Variants in ARMH3 observed in about 807,000 individuals in gnomAD.
The protein encoded by ARMH3 is armadillo-like helical domain-containing protein 3.
In ARMH3, 60 loss-of-function variants were observed where a neutral mutation model predicts 99.1. The ratio of observed to expected loss-of-function variants is 0.61; its 90% confidence interval spans 0.49 to 0.75. The LOEUF is 0.75. Ranked by LOEUF, ARMH3 falls within the 30% of genes least tolerant of loss-of-function variation. ARMH3 has a pLI of 0.00. For synonymous variants in ARMH3, 285 were observed against 292.8 expected, an observed-to-expected ratio of 0.97 and a Z score of 0.27; for missense variants, 679 against 843.1, an observed-to-expected ratio of 0.81 and a Z score of 2.41.
At chr10:101,919,061 G>C (rs1369348210) in intron 23 of ARMH3, among the ~76,000 whole-genome samples, 1 of 152,118 alleles carries the variant, frequency 6.6e-6, no homozygotes, top group Non-Finnish European at 1.5e-5. Flanking sequence ...AACAATTATA[G>C]ATCACAGATA....
intron 23 of ARMH3, among the ~76,000 whole-genome samples, chr10:101,914,835 C>T (rs1173229660): frequency 2.1e-5 from 3 of 141,728 alleles, no homozygotes; most frequent in African/African-American, 7.8e-5. Context: ...CTATTACACT[C>T]CAGCCTAGGT....
chr10:101,953,717 G>A (rs1844902720), intron 22 of ARMH3, among the ~76,000 whole-genome samples: 1 of 152,066 alleles, frequency 6.6e-6, no homozygotes, highest in Non-Finnish European at 1.5e-5. Flanking sequence ...CAACAAAAAA[G>A]TGGAGAATAT....
rs1038044231 is a variant in ARMH3, at chr10:102,045,823, G to A, written c.-11-5698C>T. On this transcript the variant is annotated intron_variant, in intron 1 of 25. Transcript: ENST00000370033. ...AAAATATTGAATGAGGGCCAGGCGC[G>A]GTGGCTCACACCTGTAATCCCAGCA... 3.3e-5 allele frequency among the ~76,000 whole-genome samples: 5 copies of A among 152,226 alleles called. No homozygotes were observed. The Middle Eastern group carries it at 0.01, about 311-fold the overall frequency.
Position 101,957,658 on chromosome 10 carries a change from C to A in ARMH3, c.1570G>T (p.Ala524Ser). ...TTTGTTTTGATACTCACCATAAGGG[C>A]TAATGTAAAAATGTTGTGTTTGGCC... The part of the protein sequence containing the change: ...LLAKHNIFTL[A>S]LMIVNLFNMF... The change falls in exon 21 of 26, where the codon GCC (alanine) becomes TCC (serine). Residue 524 changes from alanine to serine, a missense_variant. By Grantham distance (99) the Ala-to-Ser change is moderately conservative (BLOSUM62 1). This residue lies in a region of ARMH3 where 389 missense variants were observed against 456.5 expected (regional missense o/e 0.85). Transcript: ENST00000370033. 6.2e-7 allele frequency: 1 copy of A among 1,608,180 alleles called. No individual in the cohort carries two copies.
intron 8 of ARMH3, among the ~76,000 whole-genome samples, chr10:102,018,430 T>C (rs2066799138): frequency 1.3e-5 from 2 of 152,296 alleles, no homozygotes; most frequent in South Asian, 2.1e-4. Flanking sequence ...CATAAGCAGA[T>C]TGCATAAGAA....
intron 24 of ARMH3, among the ~76,000 whole-genome samples, chr10:101,869,663 T>C (rs1301659701): frequency 1.3e-5 from 2 of 152,152 alleles, no homozygotes; most frequent in Non-Finnish European, 2.9e-5. Context: ...TTCTACCTTA[T>C]GAAATTAGAA....
intron 8 of ARMH3, among the ~76,000 whole-genome samples, chr10:102,016,615 G>A (rs2066755147): frequency 6.6e-6 from 1 of 152,166 alleles, no homozygotes. Context: ...AAACAGTTGG[G>A]ATCTGAGTCA....
At chr10:102,054,736 C>T (rs996604987) in intron 1 of ARMH3, among the ~76,000 whole-genome samples, 2 of 152,196 alleles carry the variant, frequency 1.3e-5, no homozygotes, top group African/African-American at 4.8e-5. Flanking sequence ...TGGCTCACAC[C>T]TGTAATCCGA....
chr10:102,029,892 G>T, intron 4 of ARMH3, 147 bp from the exon 5 acceptor site: 7 of 813,044 alleles, frequency 8.6e-6, no homozygotes, highest in Admixed American at 3.1e-5. Context: ...GAGTTTTTTT[G>T]GTTTTTTCCG....
At chr10:101,867,725 G>C (rs987212815) in intron 24 of ARMH3, among the ~76,000 whole-genome samples, 2 of 151,860 alleles carry the variant, frequency 1.3e-5, no homozygotes, top group Admixed American at 1.3e-4. Flanking sequence ...CCAGCTACTC[G>C]GGAGGCTGAG....
In ARMH3 at chr10:102,033,035, A is replaced by T; in HGVS notation, c.297T>A (p.Asn99Lys). 2 of 1,614,132 alleles carry T rather than the reference A, an allele frequency of 1.2e-6. No individual in the cohort carries two copies. Among genetic ancestry groups the T allele is most frequent in the African/African-American group, 2.7e-5 (2 of 75,064 alleles). The stretch of plus-strand genomic sequence containing the variant: ...TCTCCCAGCCTTGTACCTGCAATGC[A>T]TTGACAACCCGAATTGGATGCTCCT... ...LGEEHPIRVV[N>K]ALQTLCALIR... The change falls in exon 4 of 26, where the codon AAT becomes AAA. Residue 99 changes from asparagine to lysine, a missense_variant. By Grantham distance (94) the Asn-to-Lys change is moderately conservative. This residue lies in a region of ARMH3 where 280 missense variants were observed against 354.6 expected (regional missense o/e 0.79). Transcript: ENST00000370033.
chr10:101,953,713 A>C (rs1315404799), intron 22 of ARMH3, among the ~76,000 whole-genome samples: 2 of 152,036 alleles, frequency 1.3e-5, no homozygotes, highest in Non-Finnish European at 1.5e-5. Context: ...ACAACAACAA[A>C]AAAGTGGAGA....
intron 4 of ARMH3, among the ~76,000 whole-genome samples, chr10:102,030,701 C>T (rs1196399446): frequency 6.6e-6 from 1 of 151,524 alleles, no homozygotes; most frequent in African/African-American, 2.4e-5. Flanking sequence ...AAGAGTGAAA[C>T]TCCGTCTCAA....
intron 24 of ARMH3, among the ~76,000 whole-genome samples, chr10:101,851,076 G>A (rs1451463620): frequency 6.6e-6 from 1 of 152,064 alleles, no homozygotes; most frequent in Non-Finnish European, 1.5e-5. Flanking sequence ...TGAACTTTAG[G>A]GCATCCCAGC....
chr10:101,923,452 G>A (rs1170320138), intron 23 of ARMH3, among the ~76,000 whole-genome samples: 2 of 152,136 alleles, frequency 1.3e-5, no homozygotes, highest in Non-Finnish European at 2.9e-5. Flanking sequence ...GCAGAGAAAT[G>A]CACACACTAG....
intron 1 of ARMH3, among the ~76,000 whole-genome samples, chr10:102,044,858 A>G (rs895509454): frequency 2.6e-5 from 4 of 152,122 alleles, no homozygotes; most frequent in African/African-American, 7.2e-5. Context: ...TGTGCACACC[A>G]GGCGTGGTGG....
At chr10:101,866,193 C>T (rs1336913632) in intron 24 of ARMH3, among the ~76,000 whole-genome samples, 1 of 151,382 alleles carries the variant, frequency 6.6e-6, no homozygotes, top group Non-Finnish European at 1.5e-5. Flanking sequence ...TGCACTCCAG[C>T]CTGGGCAAGA....
At chr10:102,027,822 T>C (rs2067033818) in intron 5 of ARMH3, among the ~76,000 whole-genome samples, 1 of 151,684 alleles carries the variant, frequency 6.6e-6, no homozygotes, top group Non-Finnish European at 1.5e-5. Flanking sequence ...ACTTTTTTTG[T>C]AACCTAATCA....
intron 19 of ARMH3, among the ~76,000 whole-genome samples, chr10:101,982,466 C>G (rs1332059998): frequency 6.6e-6 from 1 of 152,156 alleles, no homozygotes; most frequent in Non-Finnish European, 1.5e-5. Flanking sequence ...AATTTTAAGT[C>G]ATTCCCTTTT....
Sources: gnomAD v4.1 joint callset for allele counts (sites outside exome capture counted in the v4.1 genomes callset) on GRCh38, gnomAD v4.1.1 for gene constraint, gnomAD v4.1.1 regional missense constraint, MANE v1.5 for transcripts, NCBI Gene and HGNC (gene_info 2026-07-23, HGNC 2026-07-21) for gene names.